Variants in SPINK5 observed in about 807,000 individuals in gnomAD.
The protein encoded by SPINK5 is serine protease inhibitor Kazal-type 5.
A neutral mutation model predicts 151.8 loss-of-function variants in SPINK5; 125 were observed. The observed-to-expected ratio is 0.82, with a 90% CI of 0.71 to 0.96. The LOEUF is 0.96. Among genes scored for constraint, SPINK5 ranks in the 40% least tolerant of loss-of-function variants. The pLI, the probability that SPINK5 is intolerant of heterozygous loss-of-function variation, is 0.00. For missense variants in SPINK5, 1,194 were observed against 1,291.9 expected (o/e 0.92, Z 1.16); for synonymous variants, 374 against 395.3 (o/e 0.95, Z 0.64).
At chr5:148,125,925 T>C in intron 29 of SPINK5, 75 bp downstream of exon 29, 1 of 1,605,210 alleles carries the variant, frequency 6.2e-7, no homozygotes, top group Non-Finnish European at 8.5e-7. Context: ...TTGAATAAGT[T>C]TGTATATTTA....
intron 32 of SPINK5, 82 bp downstream of exon 32, chr5:148,133,969 T>C: frequency 7.0e-7 from 1 of 1,428,676 alleles, no homozygotes; most frequent in South Asian, 1.2e-5. Context: ...CACTGAGTAA[T>C]GGACATTTAT....
rs756849476 is a variant in SPINK5 at position 148,101,387 on chromosome 5, A to C, written c.1253A>C (p.Glu418Ala). Residue 418 changes from glutamate to alanine, a missense_variant, in exon 14 of 33, where the codon GAA becomes GCA. Physicochemically the swap from Glu to Ala is moderately radical, Grantham distance 107. Coordinates refer to ENST00000256084, the MANE Select transcript of SPINK5 (RefSeq NM_006846.4). ...QAEEEEKKKKEGKSRNKRQSK... is the reference protein window; with the variant it reads ...QAEEEEKKKKAGKSRNKRQSK... ...GAAGAAGAAGAAAAGAAAAAGAAGG[A>C]AGGTAAATCAAGAAACAAAAGACAA... 2 of 1,611,942 alleles carry C rather than the reference A, an allele frequency of 1.2e-6. No homozygotes were observed. The highest frequency in any genetic ancestry group is 4.5e-5 in the East Asian group (2 of 44,802).
At chr5:148,077,425 A>T (rs1005161232) in intron 4 of SPINK5, among the ~76,000 whole-genome samples, 3 of 151,092 alleles carry the variant, frequency 2.0e-5, no homozygotes, top group Non-Finnish European at 3.0e-5. Flanking sequence ...GTACTAAAGA[A>T]ATCTGAGAGA....
chr5:148,078,635 G>A (rs1362759752), intron 4 of SPINK5, among the ~76,000 whole-genome samples: 5 of 150,404 alleles, frequency 3.3e-5, no homozygotes, highest in Non-Finnish European at 6.0e-5. Flanking sequence ...AAAATGAATC[G>A]TGAAAATCCC....
At position 148,111,871 on chromosome 5, in the gene SPINK5, C is replaced by T; in HGVS notation, c.1796C>T (p.Thr599Ile). The T allele has an allele frequency of 1.9e-6, 3 of 1,614,014 alleles. No homozygotes were observed. The highest frequency in any genetic ancestry group is 2.5e-6 in the Non-Finnish European group (3 of 1,179,922). ...EGLDGKIHGN[T>I]CSMCEAFFQQ... is the part of the protein sequence containing the mutation. The stretch of plus-strand genomic sequence containing the variant: ...CTAGATGGGAAAATCCACGGCAACA[C>T]CTGCTCCATGTGTGAAGCCTTCTTG... Residue 599 changes from threonine to isoleucine, a missense_variant, in exon 19 of 33, where the codon ACC becomes ATC. Physicochemically the swap from Thr to Ile is moderately conservative, Grantham distance 89. Coordinates refer to ENST00000256084, the MANE Select transcript of SPINK5 (RefSeq NM_006846.4).
chr5:148,098,326 G>A (rs1753531254), intron 11 of SPINK5, among the ~76,000 whole-genome samples: 1 of 151,996 alleles, frequency 6.6e-6, no homozygotes, highest in African/African-American at 2.4e-5. Flanking sequence ...TGGGAGTTAA[G>A]AGTCCAAAGG....
chr5:148,132,307 TA>T (rs1350908800), intron 31 of SPINK5, among the ~76,000 whole-genome samples: 1 of 152,178 alleles, frequency 6.6e-6, no homozygotes, highest in African/African-American at 2.4e-5. Flanking sequence ...AGTACTACTT[TA>T]TCCTTCTTAG....
intron 32 of SPINK5, among the ~76,000 whole-genome samples, chr5:148,134,958 G>T (rs974481237): frequency 5.3e-5 from 8 of 151,822 alleles, no homozygotes; most frequent in African/African-American, 1.7e-4. Context: ...AACAATCTTT[G>T]TTAAGGGAAA....
intron 15 of SPINK5, 142 bp downstream of exon 15, chr5:148,102,050 A>G: frequency 8.2e-7 from 1 of 1,216,034 alleles, no homozygotes; most frequent in Non-Finnish European, 1.2e-6. Flanking sequence ...TGGACTAAAA[A>G]CAAACAACAG....
In SPINK5 at chr5:148,078,126, C is replaced by T. The variant is rs144997558; in HGVS notation, c.282+5906C>T. 2.9e-3 allele frequency among the ~76,000 whole-genome samples: 431 copies of T among 150,792 alleles called. 2 individuals carry two copies. The highest frequency in any genetic ancestry group is 6.0e-3 in the African/African-American group (249 of 41,306). ...AGATCGGTACCATGCTAAGTTTAACCGTAAGAGAGCAGGATTGGCTATATT... is the reference window on the plus strand; with the variant it reads ...AGATCGGTACCATGCTAAGTTTAACTGTAAGAGAGCAGGATTGGCTATATT... On this transcript the variant is annotated intron_variant, in intron 4 of 32. Coordinates refer to ENST00000256084, the MANE Select transcript of SPINK5 (RefSeq NM_006846.4).
At chr5:148,094,235 C>T in intron 8 of SPINK5, 119 bp from the exon 9 acceptor site, 2 of 1,123,814 alleles carry the variant, frequency 1.8e-6, no homozygotes, top group Non-Finnish European at 2.6e-6. Flanking sequence ...TTAGAGGCTT[C>T]ACTGAGCTAT....
At chr5:148,129,939 G>A (rs963336638) in intron 30 of SPINK5, among the ~76,000 whole-genome samples, 7 of 151,984 alleles carry the variant, frequency 4.6e-5, no homozygotes, top group Non-Finnish European at 1.0e-4. Flanking sequence ...AGCTCATATA[G>A]TGATGACCTG....
Position 148,101,411 on chromosome 5 carries a change from A to G in SPINK5, c.1277A>G (p.Gln426Arg). Residue 426 changes from glutamine to arginine, a missense_variant, in exon 14 of 33, where the codon CAA becomes CGA. Physicochemically the swap from Gln to Arg is conservative, Grantham distance 43 (BLOSUM62 1). Coordinates refer to ENST00000256084, the MANE Select transcript of SPINK5 (RefSeq NM_006846.4). ...KKEGKSRNKRQSKSTASFEEL... is the reference protein window; with the variant it reads ...KKEGKSRNKRRSKSTASFEEL... ...GAAGGTAAATCAAGAAACAAAAGAC[A>G]ATCTAAGAGTACAGCTTCCTTTGAG... is the stretch of plus-strand genomic sequence containing the variant. 1 of 1,611,868 alleles carries G rather than the reference A, an allele frequency of 6.2e-7. No individual in the cohort carries two copies. Among genetic ancestry groups the G allele is most frequent in the Non-Finnish European group, 8.5e-7 (1 of 1,178,042 alleles).
chr5:148,080,289 A>G (rs1752985910), intron 4 of SPINK5, among the ~76,000 whole-genome samples: 1 of 151,336 alleles, frequency 6.6e-6, no homozygotes, highest in African/African-American at 2.4e-5. Context: ...AGAAAACTCA[A>G]TATTGTTGAG....
At chr5:148,120,198 CCAGT>C in intron 25 of SPINK5, 62 bp downstream of exon 25, 1 of 1,612,744 alleles carries the variant, frequency 6.2e-7, no homozygotes, top group Non-Finnish European at 8.5e-7. Context: ...TCATTTCTTA[CCAGT>C]TTGGGAAAAT....
At chr5:148,095,600 A>G (rs1753434301) in intron 9 of SPINK5, among the ~76,000 whole-genome samples, 1 of 152,000 alleles carries the variant, frequency 6.6e-6, no homozygotes, top group African/African-American at 2.4e-5. Flanking sequence ...CAGAGTTTTA[A>G]ATTTCTTTTA....
At chr5:148,124,010 G>A in intron 27 of SPINK5, 50 bp downstream of exon 27, 1 of 1,608,062 alleles carries the variant, frequency 6.2e-7, no homozygotes, top group Non-Finnish European at 8.5e-7. Flanking sequence ...CTGTTTGCTA[G>A]AAATTAGTTT....
At chr5:148,111,026 T>G (rs1018248172) in intron 18 of SPINK5, among the ~76,000 whole-genome samples, 41 of 151,902 alleles carry the variant, frequency 2.7e-4, no homozygotes, top group African/African-American at 9.2e-4. Flanking sequence ...TAACATAAAC[T>G]TCTTATCTTA....
chr5:148,098,034 C>T lies in SPINK5; in HGVS notation c.1010+40C>T, dbSNP rs768196192. 5.7e-6 allele frequency: 9 copies of T among 1,587,738 alleles called. No homozygotes were observed. In the South Asian group the frequency reaches 1.0e-4, roughly 18 times the overall value. ...TTAGAATGTCAAAGAAAGAAGGGAT[C>T]TTGCAGGTAATTTAATAGAAACAGC... On this transcript the variant is annotated intron_variant, in intron 11 of 32. Coordinates refer to ENST00000256084, the MANE Select transcript of SPINK5 (RefSeq NM_006846.4).
Sources: allele counts gnomAD v4.1 joint callset (sites outside exome capture counted in the v4.1 genomes callset), GRCh38; gene constraint gnomAD v4.1.1; transcripts MANE v1.5; gene names NCBI Gene and HGNC (gene_info 2026-07-23, HGNC 2026-07-21).